VCF1: variants seen among roughly 807,000 people sequenced by gnomAD.
VCF1 encodes the protein VCP nuclear cofactor family member 1, also known as protein VCF1.
chr17:73,219,666 A>T, the VCF1 span, among the ~76,000 whole-genome samples: 1 of 110,676 alleles, frequency 9.0e-6, no homozygotes, highest in African/African-American at 3.1e-5. Context: ...AAAAGAAAAA[A>T]GAAAAAAAAA....
the VCF1 span, among the ~76,000 whole-genome samples, chr17:73,213,594 A>G: frequency 6.6e-6 from 1 of 152,304 alleles, no homozygotes; most frequent in South Asian, 2.1e-4. Context: ...CTTCTATTTT[A>G]TTTTAAAATT....
At chr17:73,232,257 G>C in the VCF1 span, 1 of 1,611,160 alleles carries the variant, frequency 6.2e-7, no homozygotes, top group Non-Finnish European at 8.5e-7. Flanking sequence ...GTACCCCTCA[G>C]TCGGACCCGT....
the VCF1 span, chr17:73,232,315 C>T: frequency 6.4e-7 from 1 of 1,567,054 alleles, no homozygotes; most frequent in South Asian, 1.1e-5. Context: ...ATGTCGCTGC[C>T]GCCGTGGTAC....
At chr17:73,219,115 C>T in the VCF1 span, among the ~76,000 whole-genome samples, 5 of 135,602 alleles carry the variant, frequency 3.7e-5, no homozygotes, top group East Asian at 2.6e-4. Flanking sequence ...CGCTTGAACC[C>T]GGGAGGCAGA....
At chr17:73,214,088 C>G in the VCF1 span, among the ~76,000 whole-genome samples, 4 of 152,130 alleles carry the variant, frequency 2.6e-5, no homozygotes, top group Non-Finnish European at 5.9e-5. Flanking sequence ...GATTGTTTCA[C>G]CTTAACTACC....
the VCF1 span, among the ~76,000 whole-genome samples, chr17:73,216,993 G>A: frequency 9.9e-5 from 15 of 152,146 alleles, no homozygotes; most frequent in Non-Finnish European, 2.1e-4. Context: ...TAAAAAGAGA[G>A]CTATGTGTAT....
the VCF1 span, among the ~76,000 whole-genome samples, chr17:73,222,035 C>CAAAAA: frequency 2.5e-5 from 2 of 80,912 alleles, no homozygotes; most frequent in African/African-American, 5.5e-5. Flanking sequence ...GACTCTGTCT[C>CAAAAA]AAAAAAAAAA....
the VCF1 span, chr17:73,208,146 T>G: frequency 6.6e-7 from 1 of 1,512,918 alleles, no homozygotes; most frequent in South Asian, 1.2e-5. Context: ...TGCTGTTCCG[T>G]GTCCTCTTCA....
the VCF1 span, chr17:73,208,999 A>T: frequency 4.6e-6 from 1 of 216,612 alleles, no homozygotes; most frequent in African/African-American, 2.3e-5. Flanking sequence ...TACACAGGAG[A>T]GAGTACTTTC....
At chr17:73,221,009 C>T in the VCF1 span, among the ~76,000 whole-genome samples, 1 of 149,594 alleles carries the variant, frequency 6.7e-6, no homozygotes, top group African/African-American at 2.5e-5. Context: ...AGCAGTTCTC[C>T]TGCCTCAGCC....
At chr17:73,216,656 T>A in the VCF1 span, among the ~76,000 whole-genome samples, 1 of 151,960 alleles carries the variant, frequency 6.6e-6, no homozygotes, top group Non-Finnish European at 1.5e-5. Context: ...CTTGAGAGAA[T>A]ATAGAGCAAA....
At chr17:73,208,499 TC>T in the VCF1 span, 1 of 1,599,750 alleles carries the variant, frequency 6.3e-7, no homozygotes, top group Non-Finnish European at 8.6e-7. Context: ...CCACATTATT[TC>T]TTCTAAAGGT....
the VCF1 span, chr17:73,227,256 C>T: frequency 1.3e-6 from 2 of 1,555,310 alleles, no homozygotes; most frequent in Non-Finnish European, 1.7e-6. Context: ...GCCATTCCTT[C>T]TCCTTTTCCT....
chr17:73,209,439 T>G, the VCF1 span: 1 of 1,462,352 alleles, frequency 6.8e-7, no homozygotes, highest in Non-Finnish European at 9.2e-7. Flanking sequence ...ATTTTTCGTG[T>G]GCAATTTTTC....
the VCF1 span, among the ~76,000 whole-genome samples, chr17:73,220,876 GCTTT>G: frequency 7.0e-6 from 1 of 142,588 alleles, no homozygotes; most frequent in Non-Finnish European, 1.5e-5. Flanking sequence ...AAAAGGTATT[GCTTT>G]TTTTTTAATT....
At chr17:73,209,451 T>G in the VCF1 span, 1 of 1,501,298 alleles carries the variant, frequency 6.7e-7, no homozygotes, top group Non-Finnish European at 8.9e-7. Context: ...CAATTTTTCT[T>G]TTAAAACAAG....
chr17:73,211,250 G>T, the VCF1 span, among the ~76,000 whole-genome samples: 1 of 151,572 alleles, frequency 6.6e-6, no homozygotes, highest in East Asian at 1.9e-4. Context: ...GAGTGCAGGA[G>T]TTCGAGACCT....
chr17:73,220,794 G>T, the VCF1 span, among the ~76,000 whole-genome samples: 4 of 149,798 alleles, frequency 2.7e-5, no homozygotes, highest in African/African-American at 7.5e-5. Flanking sequence ...CTTCACACTG[G>T]TCTAAAAAAT....
At chr17:73,225,882 A>ATATAT in the VCF1 span, among the ~76,000 whole-genome samples, 11 of 74,712 alleles carry the variant, frequency 1.5e-4, no homozygotes, top group African/African-American at 2.8e-4. Flanking sequence ...ATATATATAT[A>ATATAT]ATATATATAT....
Sources: allele counts gnomAD v4.1 joint callset (sites outside exome capture counted in the v4.1 genomes callset), GRCh38; gene constraint gnomAD v4.1.1; transcripts MANE v1.5; gene names NCBI Gene and HGNC (gene_info 2026-07-23, HGNC 2026-07-21).